Variants in PDE8B observed in about 807,000 individuals in gnomAD.
PDE8B encodes high affinity cAMP-specific and IBMX-insensitive 3',5'-cyclic phosphodiesterase 8B.
Under a neutral mutation model 101.3 loss-of-function variants are expected in PDE8B, and 26 were observed. That is an observed-to-expected ratio of 0.26 (90% CI 0.19 to 0.36). The LOEUF (loss-of-function observed/expected upper bound fraction) is 0.36, where lower values mean the gene tolerates loss of function less well. Ranked by LOEUF, PDE8B falls within the 10% of genes least tolerant of loss-of-function variation. The probability of loss-of-function intolerance (pLI) is 1.00; values close to 1 mark genes in which losing one functional copy is unlikely to be tolerated. For synonymous variants in PDE8B, 424 were observed against 429.3 expected (o/e 0.99, Z 0.15); for missense variants, 810 against 1,163.1 (o/e 0.70, Z 4.42).
chr5:77,409,292 C>G (rs1049421717), intron 14 of PDE8B, among the ~76,000 whole-genome samples: 5 of 152,192 alleles, frequency 3.3e-5, no homozygotes, highest in African/African-American at 9.7e-5. Flanking sequence ...GACAGTGTTT[C>G]AGAATTCCTA....
At chr5:77,126,049 G>A in the PDE8B span, among the ~76,000 whole-genome samples, 2 of 152,138 alleles carry the variant, frequency 1.3e-5, no homozygotes, top group Non-Finnish European at 2.9e-5. Context: ...CACTTTGGGA[G>A]GCTGAGGTGG....
At chr5:77,293,526 G>A (rs1424704346) in intron 1 of PDE8B, among the ~76,000 whole-genome samples, 1 of 152,184 alleles carries the variant, frequency 6.6e-6, no homozygotes. Context: ...GATAGTCTGA[G>A]TGTGCGATAT....
intron 2 of PDE8B, among the ~76,000 whole-genome samples, chr5:77,324,864 T>A (rs985809572): frequency 5.3e-5 from 8 of 152,186 alleles, no homozygotes; most frequent in Admixed American, 3.9e-4. Flanking sequence ...CGTTAATAAT[T>A]TTACTTATTT....
At chr5:77,274,050 G>A (rs1315288620) in intron 1 of PDE8B, among the ~76,000 whole-genome samples, 2 of 152,106 alleles carry the variant, frequency 1.3e-5, no homozygotes, top group East Asian at 3.9e-4. Context: ...TCGAACTCCC[G>A]ACCTCAGGTG....
At chr5:77,097,150 A>G in the PDE8B span, among the ~76,000 whole-genome samples, 2 of 152,200 alleles carry the variant, frequency 1.3e-5, no homozygotes. Context: ...GGAAGGAAGA[A>G]GAGAAGGAGG....
chr5:77,424,826 G>GAT (rs1797614989), intron 20 of PDE8B, among the ~76,000 whole-genome samples: 1 of 147,242 alleles, frequency 6.8e-6, no homozygotes, highest in Admixed American at 6.7e-5. Context: ...TTTGTTTTTT[G>GAT]TTTTTTGTTT....
At chr5:77,223,491 A>C (rs1389976806) in intron 1 of PDE8B, among the ~76,000 whole-genome samples, 1 of 150,652 alleles carries the variant, frequency 6.6e-6, no homozygotes, top group African/African-American at 2.4e-5. Context: ...TCTCAAGTGC[A>C]TAATGACCAC....
the PDE8B span, among the ~76,000 whole-genome samples, chr5:77,169,644 G>A: frequency 6.6e-6 from 1 of 152,166 alleles, no homozygotes; most frequent in Non-Finnish European, 1.5e-5. Flanking sequence ...AGCATGTCTG[G>A]AAGGCAGTGG....
At chr5:77,232,044 T>C (rs1440421987) in intron 1 of PDE8B, among the ~76,000 whole-genome samples, 1 of 152,240 alleles carries the variant, frequency 6.6e-6, no homozygotes, top group Admixed American at 6.5e-5. Context: ...ATGGGCATAG[T>C]GGTTTTTACA....
intron 1 of PDE8B, among the ~76,000 whole-genome samples, chr5:77,225,268 T>C (rs1416922936): frequency 1.3e-5 from 2 of 152,246 alleles, no homozygotes; most frequent in South Asian, 2.1e-4. Flanking sequence ...ATGAGTTGAT[T>C]TCCTAGCATC....
chr5:77,363,417 G>C (rs1783501141), intron 10 of PDE8B, among the ~76,000 whole-genome samples: 1 of 152,096 alleles, frequency 6.6e-6, no homozygotes, highest in Non-Finnish European at 1.5e-5. Context: ...GCAGTGGATA[G>C]AATATGTCAT....
chr5:77,343,077 C>T (rs1779505609), intron 6 of PDE8B, among the ~76,000 whole-genome samples: 1 of 152,180 alleles, frequency 6.6e-6, no homozygotes, highest in Non-Finnish European at 1.5e-5. Context: ...ACACATAGTC[C>T]ATTCCATGAT....
intron 20 of PDE8B, 78 bp downstream of exon 20, chr5:77,422,066 C>A: frequency 6.9e-7 from 1 of 1,445,706 alleles, no homozygotes; most frequent in Non-Finnish European, 9.6e-7. Flanking sequence ...GGGGATTCTC[C>A]AGCTGAGTAA....
At chr5:77,194,751 GAT>G in the PDE8B span, among the ~76,000 whole-genome samples, 1 of 152,170 alleles carries the variant, frequency 6.6e-6, no homozygotes, top group Non-Finnish European at 1.5e-5. Context: ...TCATTCATGT[GAT>G]AGTGTGTATT....
the PDE8B span, among the ~76,000 whole-genome samples, chr5:77,132,353 G>A: frequency 1.3e-5 from 2 of 151,940 alleles, no homozygotes; most frequent in South Asian, 4.1e-4. Context: ...ATTGTCTGGT[G>A]ACTCTCTATT....
At chr5:77,304,993 T>C (rs1205363731) in intron 1 of PDE8B, among the ~76,000 whole-genome samples, 1 of 152,090 alleles carries the variant, frequency 6.6e-6, no homozygotes, top group Non-Finnish European at 1.5e-5. Context: ...TTCCACGAGG[T>C]AAGTGTTCCA....
chr5:77,222,036 C>T (rs1453788022), intron 1 of PDE8B, among the ~76,000 whole-genome samples: 4 of 152,174 alleles, frequency 2.6e-5, no homozygotes, highest in African/African-American at 9.6e-5. Flanking sequence ...AGGCATTTCA[C>T]AAGGCCCCCT....
rs1179945935 is a variant in PDE8B, at chr5:77,427,720, C to CT, written c.*1170dup. 1 of 152,150 alleles carries CT rather than the reference C, an allele frequency of 6.6e-6. No individual in the cohort carries two copies. The highest frequency in any genetic ancestry group is 1.5e-5 in the Non-Finnish European group (1 of 68,036). 9.4% of individuals were successfully genotyped at this position (152,150 alleles called of 1,614,324 possible). Reference sequence around the variant, plus strand: ...CACAAGTGCATATTTTTATACTGCTCTTTTCACAACTCCCTGTGATCTACA... The same window carrying CT: ...CACAAGTGCATATTTTTATACTGCTCTTTTTCACAACTCCCTGTGATCTACA... On this transcript the variant is annotated 3_prime_UTR_variant, in exon 22 of 22. Coordinates refer to ENST00000264917, the MANE Select transcript of PDE8B (RefSeq NM_003719.5).
chr5:77,284,844 T>A (rs1236021288), intron 1 of PDE8B, among the ~76,000 whole-genome samples: 1 of 152,244 alleles, frequency 6.6e-6, no homozygotes, highest in Non-Finnish European at 1.5e-5. Flanking sequence ...TCTTCCATTA[T>A]GTGATTACAT....
Sources: gnomAD v4.1 joint callset for allele counts (sites outside exome capture counted in the v4.1 genomes callset) on GRCh38, gnomAD v4.1.1 for gene constraint, MANE v1.5 for transcripts, NCBI Gene and HGNC (gene_info 2026-07-23, HGNC 2026-07-21) for gene names.